Variants in CCDC171 observed in about 807,000 individuals in gnomAD.
The protein encoded by CCDC171 is coiled-coil domain-containing protein 171.
CCDC171 carries 177 observed loss-of-function variants against 168.2 expected under a neutral mutation model. That is an observed-to-expected ratio of 1.05 (90% CI 0.93 to 1.19). CCDC171 has a LOEUF of 1.19. Ranked by LOEUF, CCDC171 falls within the 50% of genes most tolerant of loss-of-function variation. The pLI is 0.00. For synonymous variants in CCDC171, 687 were observed against 540.8 expected, an observed-to-expected ratio of 1.27 and a Z score of -3.75; for missense variants, 1,991 against 1,539.0, an observed-to-expected ratio of 1.29 and a Z score of -4.91.
chr9:16,096,001 C>G, the CCDC171 span, among the ~76,000 whole-genome samples: 4 of 151,188 alleles, frequency 2.6e-5, no homozygotes, highest in Non-Finnish European at 4.4e-5. Flanking sequence ...TTCTATGTTT[C>G]TATACACTGT....
chr9:15,966,139 A>C (rs1011079004), intron 25 of CCDC171, among the ~76,000 whole-genome samples: 1 of 152,214 alleles, frequency 6.6e-6, no homozygotes, highest in African/African-American at 2.4e-5. Context: ...AAGTGAAAAA[A>C]TAGTAAAATA....
chr9:15,881,668 A>G (rs1818660756), intron 24 of CCDC171, among the ~76,000 whole-genome samples: 1 of 152,144 alleles, frequency 6.6e-6, no homozygotes, highest in African/African-American at 2.4e-5. Flanking sequence ...ACCAATCTAT[A>G]TATCTTCATG....
intron 23 of CCDC171, among the ~76,000 whole-genome samples, chr9:15,865,844 G>C (rs1368363743): frequency 3.3e-5 from 2 of 60,230 alleles, no homozygotes; most frequent in Non-Finnish European, 4.1e-5. Context: ...GTTCAACTCT[G>C]CGTGCGTGTG....
chr9:15,727,520 A>G (rs12340035), intron 14 of CCDC171, among the ~76,000 whole-genome samples: 4,161 of 152,314 alleles, frequency 0.027, 83 homozygotes, highest in Non-Finnish European at 0.036. Flanking sequence ...ATAGGCTTAT[A>G]AACAATGAGT....
chr9:16,042,698 G>A (rs1004460001), upstream of CCDC171: 1 of 152,188 alleles, frequency 6.6e-6, no homozygotes, highest in Non-Finnish European at 1.5e-5. Flanking sequence ...TTTCTCTAGG[G>A]GTGAGGGTGG....
At chr9:15,685,719 G>A (rs2133561739) in intron 10 of CCDC171, among the ~76,000 whole-genome samples, 2 of 151,996 alleles carry the variant, frequency 1.3e-5, no homozygotes, top group South Asian at 4.2e-4. Flanking sequence ...ATGAAGAGTG[G>A]AATCTTCATT....
chr9:15,864,349 G>A (rs2061681053), intron 23 of CCDC171, among the ~76,000 whole-genome samples: 1 of 152,126 alleles, frequency 6.6e-6, no homozygotes, highest in African/African-American at 2.4e-5. Flanking sequence ...TAGGGTACAT[G>A]TGCACAATGT....
At chr9:15,661,353 GA>G (rs1001651304) in intron 8 of CCDC171, among the ~76,000 whole-genome samples, 94 of 150,948 alleles carry the variant, frequency 6.2e-4, no homozygotes, top group African/African-American at 2.2e-3. Context: ...TTAAATTCAT[GA>G]AAAAAATGTA....
chr9:15,757,624 C>A (rs1167576746), intron 18 of CCDC171, among the ~76,000 whole-genome samples: 5 of 152,202 alleles, frequency 3.3e-5, no homozygotes, highest in Non-Finnish European at 7.4e-5. Context: ...ATCTCCAAGA[C>A]AATGGGGAAA....
At chr9:15,785,158 G>C (rs2135496118) in intron 21 of CCDC171, among the ~76,000 whole-genome samples, 1 of 152,090 alleles carries the variant, frequency 6.6e-6, no homozygotes, top group South Asian at 2.1e-4. Flanking sequence ...TGTTCTCTCT[G>C]TCATATATTT....
At position 15,757,260 on chromosome 9, in the gene CCDC171, C is replaced by T. The variant is rs999305938; in HGVS notation, c.2671+11629C>T. Among the ~76,000 whole-genome samples the T allele has an allele frequency of 7.0e-4, 107 of 152,120 alleles. 1 individual carries two copies. Among genetic ancestry groups the T allele is most frequent in the African/African-American group, 2.4e-3 (98 of 41,428 alleles). On this transcript the variant is annotated intron_variant, in intron 18 of 25. Coordinates refer to ENST00000380701, the MANE Select transcript of CCDC171 (RefSeq NM_173550.4). ...CCCAAAAGTCTGATAGATATATGGA[C>T]AATAAGGTCCAGGCTGAGGTGGTCT...
intron 7 of CCDC171, among the ~76,000 whole-genome samples, chr9:15,636,794 C>A (rs1040385026): frequency 7.0e-6 from 1 of 143,580 alleles, no homozygotes; most frequent in Non-Finnish European, 1.5e-5. Context: ...AGTTAATGTT[C>A]TGAATATTAG....
chr9:16,058,696 G>T (rs1378639606), intron 1 of CCDC171, among the ~76,000 whole-genome samples: 1 of 152,240 alleles, frequency 6.6e-6, no homozygotes, highest in Non-Finnish European at 1.5e-5. Context: ...TTCAGGTAAA[G>T]CCTGAAGGAG....
intron 3 of CCDC171, among the ~76,000 whole-genome samples, chr9:15,574,445 A>T (rs2040475783): frequency 6.6e-6 from 1 of 151,762 alleles, no homozygotes; most frequent in Admixed American, 6.6e-5. Flanking sequence ...GCCTGGCCAA[A>T]TTTTTGTATT....
intron 19 of CCDC171, 31 bp downstream of exon 19, chr9:15,777,857 T>G (rs1342183214): frequency 7.2e-7 from 1 of 1,386,818 alleles, no homozygotes; most frequent in Non-Finnish European, 9.7e-7. Context: ...AGTAGTAACC[T>G]AAGAACTTGT....
chr9:15,569,710 G>C (rs2040048349), intron 2 of CCDC171, among the ~76,000 whole-genome samples: 1 of 151,684 alleles, frequency 6.6e-6, no homozygotes, highest in South Asian at 2.1e-4. Flanking sequence ...AGCTGCTCGG[G>C]AGGCTGAGGC....
At chr9:15,668,051 G>A (rs538329005) in intron 9 of CCDC171, among the ~76,000 whole-genome samples, 2 of 152,272 alleles carry the variant, frequency 1.3e-5, no homozygotes, top group South Asian at 4.1e-4. Flanking sequence ...AGAATATAGT[G>A]CAGATTTCTT....
chr9:15,679,157 G>T (rs1010621676), intron 10 of CCDC171, among the ~76,000 whole-genome samples: 3 of 148,378 alleles, frequency 2.0e-5, no homozygotes, highest in Admixed American at 1.3e-4. Context: ...GTATTCAAAT[G>T]TTTTTTTTTT....
intron 1 of CCDC171, among the ~76,000 whole-genome samples, chr9:16,052,199 T>C (rs1833760133): frequency 6.6e-6 from 1 of 152,174 alleles, no homozygotes. Context: ...TCTGAATTCT[T>C]TGTCTCAGTC....
Sources: allele counts gnomAD v4.1 joint callset (sites outside exome capture counted in the v4.1 genomes callset), GRCh38; gene constraint gnomAD v4.1.1; transcripts MANE v1.5; gene names NCBI Gene and HGNC (gene_info 2026-07-23, HGNC 2026-07-21).